C17orf75: variants seen among roughly 807,000 people sequenced by gnomAD.
The protein encoded by C17orf75 is chromosome 17 open reading frame 75.
C17orf75 carries 32 observed loss-of-function variants against 49.6 expected under a neutral mutation model. The observed-to-expected ratio is 0.65, with a 90% confidence interval of 0.49 to 0.87. C17orf75 has a LOEUF of 0.87. Ranked by LOEUF, C17orf75 falls within the 40% of genes least tolerant of loss-of-function variation. The probability of loss-of-function intolerance (pLI) is 0.00; values close to 1 mark genes in which losing one functional copy is unlikely to be tolerated. For synonymous variants in C17orf75, 158 were observed against 159.5 expected (o/e 0.99, Z 0.07); for missense variants, 428 against 473.9 (o/e 0.90, Z 0.90).
At chr17:32,333,646 G>A (rs1488317811) in intron 8 of C17orf75, 126 bp from the exon 9 acceptor site, 3 of 759,552 alleles carry the variant, frequency 3.9e-6, no homozygotes, top group Admixed American at 2.9e-5. Flanking sequence ...TAACTATATC[G>A]TTAGTAGAGA....
chr17:32,339,925 C>T lies in C17orf75; in HGVS notation c.235G>A (p.Asp79Asn), dbSNP rs865808911. 2 of 1,613,988 alleles carry T rather than the reference C, an allele frequency of 1.2e-6. No homozygotes were observed. The highest frequency in any genetic ancestry group is 1.7e-6 in the Non-Finnish European group (2 of 1,179,886). Residue 79 changes from aspartate (D) to asparagine (N), a missense_variant, in exon 3 of 10, where the codon GAT (aspartate) becomes AAT (asparagine). Coordinates refer to ENST00000577809, the MANE Select transcript of C17orf75 (RefSeq NM_022344.4). ...SGDDFSLSLA[D>N]TNLPSEVEPE... ...TCCACTTCGGATGGTAGATTAGTAT[C>T]TGCCAAGGAGAGGCTTGACAAATGA...
At chr17:32,334,427 C>A in intron 8 of C17orf75, 42 bp downstream of exon 8, 1 of 1,586,794 alleles carries the variant, frequency 6.3e-7, no homozygotes, top group Non-Finnish European at 8.6e-7. Context: ...GATGGGGACT[C>A]GCAAGAGATG....
At chr17:32,343,376 C>A (rs1346905561), upstream of C17orf75, among the ~76,000 whole-genome samples, 3 of 151,966 alleles carry the variant, frequency 2.0e-5, no homozygotes, top group African/African-American at 4.8e-5. Context: ...AAAGCAGGGG[C>A]AGTTCCTATT....
chr17:32,338,178 T>G (rs749942675), intron 4 of C17orf75, 30 bp downstream of exon 4: 10 of 1,601,998 alleles, frequency 6.2e-6, no homozygotes, highest in Non-Finnish European at 7.6e-6. Flanking sequence ...TTTTCCTTCC[T>G]GATGTTCTCA....
chr17:32,339,195 C>A (rs186257855), intron 3 of C17orf75, among the ~76,000 whole-genome samples: 3 of 152,104 alleles, frequency 2.0e-5, no homozygotes, highest in Admixed American at 1.3e-4. Context: ...ATTTGACCAG[C>A]CTCATGACTT....
Position 32,331,716 on chromosome 17 carries a change from A to T in C17orf75, c.*47T>A. The stretch of plus-strand genomic sequence containing the variant: ...ATTATAACTGCAATTTCAAACACTA[A>T]GACTTAAATATACAACTTGATCATA... On this transcript the variant is annotated 3_prime_UTR_variant, in exon 10 of 10. Transcript: ENST00000577809. 2 of 1,460,844 alleles carry T rather than the reference A, an allele frequency of 1.4e-6. No homozygotes were observed. The highest frequency in any genetic ancestry group is 1.9e-6 in the Non-Finnish European group (2 of 1,044,310). The allele number at this position is 1,460,844 out of a possible 1,614,324, so 90.5% of individuals were successfully genotyped here.
chr17:32,335,958 A>AT (rs1345318892), intron 5 of C17orf75, among the ~76,000 whole-genome samples: 1 of 152,142 alleles, frequency 6.6e-6, no homozygotes. Flanking sequence ...TCCACTCCAG[A>AT]TGTCAGACAT....
chr17:32,339,402 C>T (rs566656107), intron 3 of C17orf75, among the ~76,000 whole-genome samples: 4 of 147,696 alleles, frequency 2.7e-5, no homozygotes, highest in African/African-American at 1.0e-4. Flanking sequence ...GGTAGGACCC[C>T]ATTTCTAAAA....
At chr17:32,334,685 G>A in intron 7 of C17orf75, 80 bp from the exon 8 acceptor site, 3 of 1,577,704 alleles carry the variant, frequency 1.9e-6, no homozygotes, top group Non-Finnish European at 2.6e-6. Flanking sequence ...GCACTGGGCT[G>A]GTGGGGAAGG....
Position 32,331,804 on chromosome 17 carries a change from G to A in C17orf75, c.1150C>T (p.Leu384Phe), listed in dbSNP as rs1206548990. 6.2e-7 allele frequency: 1 copy of A among 1,613,604 alleles called. No individual in the cohort carries two copies. The highest frequency in any genetic ancestry group is 2.2e-5 in the East Asian group (1 of 44,826). The change falls in exon 10 of 10, where the codon CTT becomes TTT. Residue 384 changes from leucine to phenylalanine, a missense_variant. Transcript: ENST00000577809. ...AGAGCTTCTTTCATGAATTCTTCAA[G>A]GACAGCTATCACATTTTTGGCTTCA... ...MPEAKNVIAV[L>F]EEFMKEALDQ...
chr17:32,341,063 T>G, intron 2 of C17orf75, 141 bp downstream of exon 2: 213 of 827,672 alleles, frequency 2.6e-4, no homozygotes, highest in East Asian at 5.0e-4. Flanking sequence ...GAAATCAGGA[T>G]GAGGTTCCTA....
chr17:32,341,692 T>C, intron 1 of C17orf75: 1 of 582,746 alleles, frequency 1.7e-6, no homozygotes, highest in Non-Finnish European at 2.3e-6. Flanking sequence ...GGAACTGAAA[T>C]TATTGAGCAT....
Position 32,339,913 on chromosome 17 carries a change from G to T in C17orf75, c.247C>A (p.Pro83Thr). 1 of 1,614,004 alleles carries T rather than the reference G, an allele frequency of 6.2e-7. No homozygotes were observed. The highest frequency in any genetic ancestry group is 1.1e-5 in the South Asian group (1 of 91,088). Residue 83 changes from proline to threonine, a missense_variant, in exon 3 of 10, where the codon CCA (proline) becomes ACA (threonine). Transcript: ENST00000577809. ...CGCAGCTCTGGCTCCACTTCGGATG[G>T]TAGATTAGTATCTGCCAAGGAGAGG... ...FSLSLADTNLPSEVEPELRSF... is the reference protein window; with the variant it reads ...FSLSLADTNLTSEVEPELRSF...
rs1434373999 is a variant in C17orf75, at chr17:32,339,853, C to G, written c.307G>C (p.Val103Leu). 1.2e-6 allele frequency: 2 copies of G among 1,614,070 alleles called. No individual in the cohort carries two copies. Among genetic ancestry groups the G allele is most frequent in the Non-Finnish European group, 1.7e-6 (2 of 1,179,906 alleles). Reference sequence around the variant, plus strand: ...GCAACATTACCCAGCCCTTCAAAGACTGCACCTCTTGAAAGACGCTTAGCA... The same window carrying G: ...GCAACATTACCCAGCCCTTCAAAGAGTGCACCTCTTGAAAGACGCTTAGCA... ...FIAKRLSRGA[V>L]FEGLGNVASV... The change falls in exon 3 of 10, where the codon GTC (valine) becomes CTC (leucine). Residue 103 changes from valine (V) to leucine (L), a missense_variant. Transcript: ENST00000577809.
chr17:32,338,277 A>G lies in C17orf75; in HGVS notation c.422T>C (p.Ile141Thr). Residue 141 changes from isoleucine to threonine, a missense_variant, in exon 4 of 10, where the codon ATA becomes ACA. Ile to Thr is a moderately conservative substitution (Grantham distance 89). Coordinates refer to ENST00000577809, the MANE Select transcript of C17orf75 (RefSeq NM_022344.4). ...TTCTGAAGGGTTACGTTCAGAGTCT[A>G]TCGTTACTGTTTCAGGAAGCAGTTT... ...NEKLLPETVT[I>T]DSERNPSEYV... The G allele has an allele frequency of 1.2e-6, 2 of 1,613,034 alleles. No individual in the cohort carries two copies. Among genetic ancestry groups the G allele is most frequent in the East Asian group, 2.2e-5 (1 of 44,860 alleles).
At chr17:32,346,241 G>A (rs528056508), upstream of C17orf75, among the ~76,000 whole-genome samples, 29 of 151,986 alleles carry the variant, frequency 1.9e-4, no homozygotes, top group Admixed American at 5.9e-4. Flanking sequence ...ACAACAAAGC[G>A]AGACCTTACC....
chr17:32,342,898 C>T (rs2041394891), upstream of C17orf75, among the ~76,000 whole-genome samples: 1 of 152,238 alleles, frequency 6.6e-6, no homozygotes, highest in Non-Finnish European at 1.5e-5. Flanking sequence ...TTCTGCAACA[C>T]CCCATTCTCT....
intron 1 of C17orf75, among the ~76,000 whole-genome samples, chr17:32,347,857 G>A (rs780561487): frequency 4.6e-5 from 7 of 152,124 alleles, no homozygotes; most frequent in Non-Finnish European, 7.4e-5. Flanking sequence ...ATTGCAATAC[G>A]GTTTTAAACT....
chr17:32,342,890 C>T (rs1418449512), upstream of C17orf75, among the ~76,000 whole-genome samples: 3 of 152,224 alleles, frequency 2.0e-5, no homozygotes, highest in Non-Finnish European at 2.9e-5. Context: ...GTGTTTGTTT[C>T]TGCAACACCC....
Sources: gnomAD v4.1 joint callset for allele counts (sites outside exome capture counted in the v4.1 genomes callset) on GRCh38, gnomAD v4.1.1 for gene constraint, MANE v1.5 for transcripts, NCBI Gene and HGNC (gene_info 2026-07-23, HGNC 2026-07-21) for gene names.